UCHL3: variants seen among roughly 807,000 people sequenced by gnomAD.
UCHL3 encodes ubiquitin C-terminal hydrolase L3.
UCHL3 carries 22 observed loss-of-function variants against 35.8 expected under a neutral mutation model. The ratio of observed to expected loss-of-function variants is 0.61; its 90% CI spans 0.44 to 0.88. The LOEUF is 0.88. Among genes scored for constraint, UCHL3 ranks in the 40% least tolerant of loss-of-function variants. UCHL3 has a pLI of 0.00. For synonymous variants in UCHL3, 90 were observed against 92.8 expected, an observed-to-expected ratio of 0.97 and a Z score of 0.17; for missense variants, 229 against 276.9, an observed-to-expected ratio of 0.83 and a Z score of 1.23.
chr13:75,562,638 T>C (rs773731770), intron 3 of UCHL3, among the ~76,000 whole-genome samples: 22 of 152,250 alleles, frequency 1.4e-4, no homozygotes, highest in Admixed American at 2.6e-4. Flanking sequence ...TGATTTTTTA[T>C]GACTTTTTTT....
intron 2 of UCHL3, among the ~76,000 whole-genome samples, chr13:75,558,303 G>A (rs956298524): frequency 7.2e-5 from 11 of 152,126 alleles, no homozygotes; most frequent in South Asian, 4.1e-4. Context: ...CAGTGGCTGC[G>A]TTTGGTTCCT....
At chr13:75,589,867 G>A (rs1304296734) in intron 6 of UCHL3, 21 of 1,151,184 alleles carry the variant, frequency 1.8e-5, no homozygotes, top group East Asian at 1.2e-4. Context: ...ATGACCATAC[G>A]TTGCTTTTAA....
At chr13:75,589,033 A>T (rs1299190599) in intron 6 of UCHL3, among the ~76,000 whole-genome samples, 1 of 152,146 alleles carries the variant, frequency 6.6e-6, no homozygotes, top group Non-Finnish European at 1.5e-5. Context: ...ACCTAACCTT[A>T]TCAGAATTAT....
At chr13:75,589,840 C>G (rs1029071011) in intron 6 of UCHL3, 2 of 936,780 alleles carry the variant, frequency 2.1e-6, no homozygotes, top group South Asian at 1.8e-5. Context: ...AAATAGTAGA[C>G]CATATGAATT....
Position 75,602,434 on chromosome 13 carries a change from C to G in UCHL3, c.551-2335C>G, listed in dbSNP as rs191644406. Among the ~76,000 whole-genome samples the G allele has an allele frequency of 1.2e-3, 184 of 152,278 alleles. 1 individual carries two copies. The highest frequency in any genetic ancestry group is 4.2e-3 in the African/African-American group (176 of 41,562). ...CGTCCAGCCTGGAAGTGGCACAGCC[C>G]GTTTGGACTGGGGTTTTTAGGTTAC... On this transcript the variant is annotated intron_variant, in intron 7 of 8. Coordinates refer to ENST00000377595, the MANE Select transcript of UCHL3 (RefSeq NM_006002.5).
chr13:75,574,208 A>T (rs1360015411), intron 6 of UCHL3, among the ~76,000 whole-genome samples: 1 of 148,978 alleles, frequency 6.7e-6, no homozygotes, highest in Non-Finnish European at 1.5e-5. Flanking sequence ...ACAGAAGGAG[A>T]CTCCATCTCA....
At chr13:75,592,423 T>TACATATATAC (rs2032505377) in intron 6 of UCHL3, among the ~76,000 whole-genome samples, 1 of 19,680 alleles carries the variant, frequency 5.1e-5, no homozygotes, top group South Asian at 1.6e-3. Context: ...TTCATATATA[T>TACATATATAC]ATATATATAT....
At chr13:75,587,956 T>C (rs775328277) in intron 6 of UCHL3, among the ~76,000 whole-genome samples, 2 of 152,172 alleles carry the variant, frequency 1.3e-5, no homozygotes, top group Admixed American at 6.5e-5. Flanking sequence ...CCTAGCTCTG[T>C]CTGTTGCTCT....
chr13:75,550,528 C>T (rs1469162271), intron 2 of UCHL3, among the ~76,000 whole-genome samples: 1 of 152,114 alleles, frequency 6.6e-6, no homozygotes, highest in Non-Finnish European at 1.5e-5. Flanking sequence ...CATTTAGTTG[C>T]TGTTGTATCA....
chr13:75,552,869 C>G (rs1220813097), intron 2 of UCHL3, among the ~76,000 whole-genome samples: 1 of 152,150 alleles, frequency 6.6e-6, no homozygotes, highest in Non-Finnish European at 1.5e-5. Context: ...GAGTACAGTA[C>G]AACCACATTA....
At chr13:75,592,452 A>ATATATATATATATATATG (rs2032529213) in intron 6 of UCHL3, among the ~76,000 whole-genome samples, 1 of 114,836 alleles carries the variant, frequency 8.7e-6, no homozygotes, top group African/African-American at 3.2e-5. Context: ...ATATATATAT[A>ATATATATATATATATATG]TATATATATA....
intron 6 of UCHL3, among the ~76,000 whole-genome samples, chr13:75,578,400 A>T (rs566030105): frequency 6.6e-6 from 1 of 152,098 alleles, no homozygotes; most frequent in East Asian, 1.9e-4. Context: ...TATTTTTATG[A>T]TTCTTGTTAA....
At chr13:75,573,212 C>T (rs1452269850) in intron 6 of UCHL3, among the ~76,000 whole-genome samples, 19 of 150,694 alleles carry the variant, frequency 1.3e-4, no homozygotes, top group Non-Finnish European at 2.2e-4. Flanking sequence ...TGCAGTGAGC[C>T]GATATCCCAC....
At chr13:75,566,102 A>G (rs926206342) in intron 3 of UCHL3, among the ~76,000 whole-genome samples, 15 of 152,250 alleles carry the variant, frequency 9.9e-5, no homozygotes, top group African/African-American at 3.6e-4. Context: ...CGTAACAATT[A>G]GCAAGTAAAA....
At chr13:75,559,030 CTTTTTTTTT>C (rs34100020) in intron 2 of UCHL3, among the ~76,000 whole-genome samples, 11 of 64,304 alleles carry the variant, frequency 1.7e-4, no homozygotes, top group African/African-American at 4.0e-4. Context: ...GCCCCGGACT[CTTTTTTTTT>C]TTTTTTTTTT....
At chr13:75,555,167 C>G (rs2031250167) in intron 2 of UCHL3, among the ~76,000 whole-genome samples, 1 of 152,136 alleles carries the variant, frequency 6.6e-6, no homozygotes, top group Non-Finnish European at 1.5e-5. Flanking sequence ...ACTTGCTCAT[C>G]CTTTGCTTGA....
At chr13:75,581,616 C>T (rs1425962765) in intron 6 of UCHL3, among the ~76,000 whole-genome samples, 1 of 151,234 alleles carries the variant, frequency 6.6e-6, no homozygotes, top group Non-Finnish European at 1.5e-5. Context: ...CCCTGGCCTC[C>T]CAAAGTATTG....
At chr13:75,565,205 C>G (rs2031645423) in intron 3 of UCHL3, among the ~76,000 whole-genome samples, 1 of 151,806 alleles carries the variant, frequency 6.6e-6, no homozygotes, top group Non-Finnish European at 1.5e-5. Flanking sequence ...TTGAAATTAT[C>G]AAATCTTATT....
At chr13:75,605,687 A>G (rs571115524) in intron 8 of UCHL3, 42 bp from the exon 9 acceptor site, 6 of 1,570,206 alleles carry the variant, frequency 3.8e-6, no homozygotes, top group Non-Finnish European at 5.2e-6. Context: ...TAAGTAAAAC[A>G]CTTTTACACT....
Sources: gnomAD v4.1 joint callset for allele counts (sites outside exome capture counted in the v4.1 genomes callset) on GRCh38, gnomAD v4.1.1 for gene constraint, MANE v1.5 for transcripts, NCBI Gene and HGNC (gene_info 2026-07-23, HGNC 2026-07-21) for gene names.